The following NTRK2 variants were observed in gnomAD, a reference collection of about 807,000 sequenced individuals.
NTRK2 encodes BDNF/NT-3 growth factors receptor.
A neutral mutation model predicts 94.5 loss-of-function variants in NTRK2; 13 were observed. The ratio of observed to expected loss-of-function variants is 0.14; its 90% confidence interval spans 0.09 to 0.22. The LOEUF (loss-of-function observed/expected upper bound fraction) is 0.22. Ranked by LOEUF, NTRK2 falls within the 10% of genes least tolerant of loss-of-function variation. The pLI is 1.00. For synonymous variants in NTRK2, 372 were observed against 407.4 expected (o/e 0.91, Z 1.05); for missense variants, 639 against 1,071.2 (o/e 0.60, Z 5.63).
At chr9:84,729,439 G>T (rs901342683) in intron 9 of NTRK2, among the ~76,000 whole-genome samples, 19 of 152,210 alleles carry the variant, frequency 1.2e-4, no homozygotes, top group African/African-American at 4.6e-4. Context: ...CTAGCTTGCA[G>T]TGTGCAGGAA....
At chr9:84,795,910 C>T (rs11140758) in intron 12 of NTRK2, among the ~76,000 whole-genome samples, 9,924 of 151,950 alleles carry the variant, frequency 0.065, 1,050 homozygotes, top group African/African-American at 0.22. Context: ...CATAGAGTTC[C>T]AGGTGCTATA....
intron 9 of NTRK2, among the ~76,000 whole-genome samples, chr9:84,738,433 A>G (rs902948934): frequency 2.6e-5 from 4 of 152,240 alleles, no homozygotes; most frequent in African/African-American, 9.6e-5. Flanking sequence ...TGAAGGAACC[A>G]TTTAGAAATT....
At chr9:84,888,475 T>C (rs1251292459) in intron 14 of NTRK2, among the ~76,000 whole-genome samples, 1 of 151,438 alleles carries the variant, frequency 6.6e-6, no homozygotes, top group East Asian at 1.9e-4. Context: ...TAGCTGGGCA[T>C]GGTGGCAGGC....
intron 2 of NTRK2, among the ~76,000 whole-genome samples, chr9:84,682,775 A>C (rs1367087470): frequency 1.3e-5 from 2 of 152,222 alleles, no homozygotes; most frequent in African/African-American, 4.8e-5. Flanking sequence ...AGGGCATGCT[A>C]TACCCCCTCT....
intron 12 of NTRK2, chr9:84,815,001 C>T (rs1001572863): frequency 2.8e-6 from 3 of 1,059,590 alleles, no homozygotes; most frequent in Admixed American, 1.1e-4. Flanking sequence ...CTCTTTTGGA[C>T]AGACCATGAA....
At position 84,967,624 on chromosome 9, in the gene NTRK2, T is replaced by C. The variant is rs530451295; in HGVS notation, c.2172+12107T>C. ...CATAAGGGGGTGGAGAACATGACGC[T>C]GGGCTCCTTTGACGGCGGAGCCCAG... On this transcript the variant is annotated intron_variant, in intron 17 of 18. Transcript: ENST00000277120. Among the ~76,000 whole-genome samples the C allele has an allele frequency of 2.6e-5, 4 of 152,374 alleles. No homozygotes were observed. The South Asian group carries it at 8.3e-4, about 32-fold the overall frequency.
intron 2 of NTRK2, among the ~76,000 whole-genome samples, chr9:84,693,991 G>A (rs745874689): frequency 2.0e-5 from 3 of 152,190 alleles, no homozygotes; most frequent in Non-Finnish European, 2.9e-5. Flanking sequence ...ATCCTAAAAA[G>A]TATCCCTGTT....
chr9:84,677,583 C>T (rs1208482646), intron 2 of NTRK2, among the ~76,000 whole-genome samples: 6 of 152,084 alleles, frequency 3.9e-5, no homozygotes. Context: ...CTCTGAGGGG[C>T]TGTGAGGTTT....
chr9:84,814,732 G>C, intron 12 of NTRK2: 1 of 1,064,318 alleles, frequency 9.4e-7, no homozygotes, highest in African/African-American at 1.6e-5. Context: ...CAGATACAGA[G>C]GGACAGCTGG....
At position 85,025,658 on chromosome 9, in the gene NTRK2, A is replaced by G. The variant is rs189205673; in HGVS notation, c.*4221A>G. 2.0e-4 allele frequency: 47 copies of G among 233,206 alleles called. No individual in the cohort carries two copies. Among genetic ancestry groups the G allele is most frequent in the Non-Finnish European group, 1.6e-4 (19 of 118,002 alleles). 14.4% of individuals were successfully genotyped at this position (233,206 alleles called of 1,614,324 possible). A position where few individuals can be genotyped will look rare whatever the true frequency, so the allele number is the denominator to read the frequency against. ...AATAAATGACTGCATATACACACAT[A>G]CCCTCAATTCTCTTGCTTCCCCATT... On this transcript the variant is annotated 3_prime_UTR_variant, in exon 19 of 19. Coordinates refer to ENST00000277120, the MANE Select transcript of NTRK2 (RefSeq NM_006180.6).
At chr9:84,898,137 G>A (rs2076815657) in intron 14 of NTRK2, among the ~76,000 whole-genome samples, 1 of 149,702 alleles carries the variant, frequency 6.7e-6, no homozygotes, top group South Asian at 2.1e-4. Flanking sequence ...CTGTCTTTTT[G>A]GGAAATGATT....
chr9:84,901,006 A>T (rs1341659905), intron 14 of NTRK2, among the ~76,000 whole-genome samples: 1 of 152,238 alleles, frequency 6.6e-6, no homozygotes, highest in African/African-American at 2.4e-5. Flanking sequence ...ACCTAGAAAT[A>T]AAACTACGAA....
intron 17 of NTRK2, among the ~76,000 whole-genome samples, chr9:85,003,528 G>A (rs1270009265): frequency 6.6e-6 from 1 of 152,188 alleles, no homozygotes; most frequent in Non-Finnish European, 1.5e-5. Flanking sequence ...GGGGAGAGAT[G>A]TCGGTGGGGA....
chr9:84,990,661 G>A (rs1346907569), intron 17 of NTRK2, among the ~76,000 whole-genome samples: 1 of 152,184 alleles, frequency 6.6e-6, no homozygotes, highest in African/African-American at 2.4e-5. Context: ...ACATTTGTGT[G>A]TGTGTTTGCT....
chr9:84,737,990 G>A (rs2063376337), intron 9 of NTRK2, among the ~76,000 whole-genome samples: 1 of 151,438 alleles, frequency 6.6e-6, no homozygotes, highest in Non-Finnish European at 1.5e-5. Context: ...TTGGTACTTG[G>A]CCTTCAACCT....
intron 17 of NTRK2, among the ~76,000 whole-genome samples, chr9:84,979,887 G>A (rs1229198908): frequency 6.6e-6 from 1 of 152,214 alleles, no homozygotes; most frequent in Non-Finnish European, 1.5e-5. Context: ...TCAGATGATT[G>A]TTAGCATTTT....
At chr9:84,795,663 G>A (rs1015030723) in intron 12 of NTRK2, among the ~76,000 whole-genome samples, 8 of 152,076 alleles carry the variant, frequency 5.3e-5, no homozygotes, top group Non-Finnish European at 1.0e-4. Flanking sequence ...CTGAGGGTTC[G>A]GGCCCCCACA....
chr9:84,995,437 T>C (rs751337381), intron 17 of NTRK2, among the ~76,000 whole-genome samples: 1 of 152,188 alleles, frequency 6.6e-6, no homozygotes, highest in African/African-American at 2.4e-5. Flanking sequence ...CTTTGCCCAA[T>C]GAGACCCTAC....
In NTRK2 at chr9:84,790,624, G is replaced by C. The variant is rs114597834; in HGVS notation, c.1396+38539G>C. The stretch of plus-strand genomic sequence containing the variant: ...GCCTGCTGGTCTTTTTTAGAGTTTT[G>C]AAAACCATCCTATGCATCCATCCTG... On this transcript the variant is annotated intron_variant, in intron 12 of 18. Transcript: ENST00000277120. Among the ~76,000 whole-genome samples the C allele has an allele frequency of 5.7e-3, 869 of 152,232 alleles. 15 individuals carry two copies. The highest frequency in any genetic ancestry group is 0.02 in the African/African-American group (831 of 41,550).
Sources: gnomAD v4.1 joint callset for allele counts (sites outside exome capture counted in the v4.1 genomes callset) on GRCh38, gnomAD v4.1.1 for gene constraint, MANE v1.5 for transcripts, NCBI Gene and HGNC (gene_info 2026-07-23, HGNC 2026-07-21) for gene names.